The following SLC4A10 variants were observed in gnomAD, a reference collection of about 807,000 sequenced individuals.
The protein encoded by SLC4A10 is solute carrier family 4 member 10, also known as sodium-driven chloride bicarbonate exchanger.
Under a neutral mutation model 137.7 loss-of-function variants are expected in SLC4A10, and 42 were observed. The observed-to-expected ratio is 0.30, with a 90% CI of 0.24 to 0.39. The LOEUF (loss-of-function observed/expected upper bound fraction) is 0.39, where lower values mean the gene tolerates loss of function less well. Ranked by LOEUF, SLC4A10 falls within the 10% of genes least tolerant of loss-of-function variation. SLC4A10 has a pLI of 1.00. For missense variants in SLC4A10, 925 were observed against 1,355.0 expected (o/e 0.68, Z 4.98); for synonymous variants, 474 against 464.1 (o/e 1.02, Z -0.27).
intron 1 of SLC4A10, among the ~76,000 whole-genome samples, chr2:161,676,009 C>T (rs1262912245): frequency 2.0e-5 from 3 of 152,100 alleles, no homozygotes; most frequent in Non-Finnish European, 2.9e-5. Flanking sequence ...GCTTGGAAAA[C>T]ACCATTTATG....
intron 6 of SLC4A10, among the ~76,000 whole-genome samples, chr2:161,870,440 CGAAAT>C (rs1443357065): frequency 2.0e-5 from 3 of 151,604 alleles, no homozygotes; most frequent in African/African-American, 7.3e-5. Flanking sequence ...TTATACCACA[CGAAAT>C]GAATTATTAT....
At chr2:161,821,309 T>C (rs1575127649) in intron 3 of SLC4A10, among the ~76,000 whole-genome samples, 1 of 152,372 alleles carries the variant, frequency 6.6e-6, no homozygotes, top group Non-Finnish European at 1.5e-5. Context: ...GGCAAATTTT[T>C]CTATGTTATT....
At position 161,858,146 on chromosome 2, in the gene SLC4A10, G is replaced by C. The variant is rs72879302; in HGVS notation, c.577+3016G>C. 6.2e-3 allele frequency among the ~76,000 whole-genome samples: 936 copies of C among 152,156 alleles called. 6 individuals carry two copies. The highest frequency in any genetic ancestry group is 0.027 in the Middle Eastern group (8 of 294). ...CATAATTCACATACATTAGTCACTA[G>C]TTTCAGTTTTACAAACGCTAAGTGT... On this transcript the variant is annotated intron_variant, in intron 5 of 26. Transcript: ENST00000446997.
intron 19 of SLC4A10, among the ~76,000 whole-genome samples, chr2:161,955,541 A>G (rs556327797): frequency 6.6e-6 from 1 of 152,304 alleles, no homozygotes; most frequent in East Asian, 1.9e-4. Context: ...TCAACATAGG[A>G]GGAACAGGTC....
At chr2:161,705,590 T>G (rs931825590) in intron 1 of SLC4A10, among the ~76,000 whole-genome samples, 1 of 151,552 alleles carries the variant, frequency 6.6e-6, no homozygotes, top group African/African-American at 2.4e-5. Flanking sequence ...ATCACCAATA[T>G]AAGGGCATTA....
chr2:161,768,395 C>T (rs1365401271), intron 1 of SLC4A10, among the ~76,000 whole-genome samples: 3 of 151,924 alleles, frequency 2.0e-5, no homozygotes, highest in Non-Finnish European at 4.4e-5. Flanking sequence ...TTTCTTTTCC[C>T]CAGTGCACAC....
At chr2:161,649,670 G>T (rs1436846611) in intron 1 of SLC4A10, among the ~76,000 whole-genome samples, 1 of 151,308 alleles carries the variant, frequency 6.6e-6, no homozygotes, top group East Asian at 1.9e-4. Context: ...TTTTTCATAG[G>T]GTAGTTAAAT....
intron 9 of SLC4A10, among the ~76,000 whole-genome samples, chr2:161,880,736 G>A (rs1351993089): frequency 3.3e-5 from 5 of 152,060 alleles, no homozygotes; most frequent in Non-Finnish European, 7.4e-5. Flanking sequence ...ACTTGCTAAT[G>A]GTAGAGTTAC....
At chr2:161,725,063 T>G (rs1192352847) in intron 1 of SLC4A10, among the ~76,000 whole-genome samples, 2 of 152,134 alleles carry the variant, frequency 1.3e-5, no homozygotes, top group Non-Finnish European at 2.9e-5. Context: ...AATAAGAAAA[T>G]GAAGAATGAG....
chr2:161,796,514 T>C (rs1266605389), intron 2 of SLC4A10, among the ~76,000 whole-genome samples: 1 of 152,182 alleles, frequency 6.6e-6, no homozygotes, highest in Non-Finnish European at 1.5e-5. Flanking sequence ...TAAGAACCTA[T>C]GCATAAGAAC....
intron 1 of SLC4A10, among the ~76,000 whole-genome samples, chr2:161,681,584 C>A (rs768890306): frequency 6.6e-6 from 1 of 152,134 alleles, no homozygotes; most frequent in Non-Finnish European, 1.5e-5. Context: ...ATTCACTGAA[C>A]AAGTTCCTCC....
chr2:161,935,279 A>G (rs1691373792), intron 15 of SLC4A10, among the ~76,000 whole-genome samples: 2 of 152,128 alleles, frequency 1.3e-5, no homozygotes, highest in Non-Finnish European at 2.9e-5. Context: ...CTGCCTTGTA[A>G]TACAGCTTTG....
intron 1 of SLC4A10, among the ~76,000 whole-genome samples, chr2:161,757,858 T>C (rs890269139): frequency 1.3e-5 from 2 of 152,086 alleles, no homozygotes; most frequent in Non-Finnish European, 2.9e-5. Flanking sequence ...TTCTTCTAAA[T>C]AGAAAAAATT....
At chr2:161,830,473 G>GTT (rs576737925) in intron 3 of SLC4A10, among the ~76,000 whole-genome samples, 9 of 143,810 alleles carry the variant, frequency 6.3e-5, no homozygotes, top group Non-Finnish European at 1.2e-4. Context: ...TAGTTGTGAG[G>GTT]TTTTTTTTTT....
chr2:161,716,735 A>G (rs1285236246), intron 1 of SLC4A10, among the ~76,000 whole-genome samples: 1 of 152,196 alleles, frequency 6.6e-6, no homozygotes, highest in East Asian at 1.9e-4. Flanking sequence ...GAAGTTGGGT[A>G]GGGTGATGTT....
At chr2:161,685,860 A>G (rs1156655138) in intron 1 of SLC4A10, among the ~76,000 whole-genome samples, 1 of 152,182 alleles carries the variant, frequency 6.6e-6, no homozygotes, top group Non-Finnish European at 1.5e-5. Context: ...TTTATTAACT[A>G]AAGGAAAAAA....
At chr2:161,630,165 C>T (rs1313089816) in intron 1 of SLC4A10, among the ~76,000 whole-genome samples, 3 of 151,792 alleles carry the variant, frequency 2.0e-5, no homozygotes, top group Non-Finnish European at 4.4e-5. Context: ...AATGAGAGTT[C>T]CTCTTGCTCC....
intron 1 of SLC4A10, among the ~76,000 whole-genome samples, chr2:161,653,001 A>G (rs2037018500): frequency 6.6e-6 from 1 of 151,608 alleles, no homozygotes. Context: ...TCCCTCCCCT[A>G]TCCCCCAATC....
chr2:161,762,702 T>A (rs1160536640), intron 1 of SLC4A10, among the ~76,000 whole-genome samples: 1 of 152,094 alleles, frequency 6.6e-6, no homozygotes, highest in Non-Finnish European at 1.5e-5. Context: ...CATTATTAAA[T>A]CTGATCGTGA....
Sources: allele counts gnomAD v4.1 joint callset (sites outside exome capture counted in the v4.1 genomes callset), GRCh38; gene constraint gnomAD v4.1.1; transcripts MANE v1.5; gene names NCBI Gene and HGNC (gene_info 2026-07-23, HGNC 2026-07-21).